The following ETV6 variants were observed in gnomAD, a reference collection of about 807,000 sequenced individuals.
ETV6 encodes the protein ETS variant transcription factor 6.
ETV6 carries 16 observed loss-of-function variants against 51.1 expected under a neutral mutation model. The ratio of observed to expected loss-of-function variants is 0.31; its 90% confidence interval spans 0.21 to 0.48. The LOEUF (loss-of-function observed/expected upper bound fraction) is 0.48, where lower values mean the gene tolerates loss of function less well. Ranked by LOEUF, ETV6 falls within the 20% of genes least tolerant of loss-of-function variation. The pLI is 0.99. For missense variants in ETV6, 458 were observed against 594.8 expected (o/e 0.77, Z 2.39); for synonymous variants, 240 against 224.1 (o/e 1.07, Z -0.64).
intron 2 of ETV6, among the ~76,000 whole-genome samples, chr12:11,777,463 T>C (rs1591666542): frequency 6.6e-6 from 1 of 152,002 alleles, no homozygotes; most frequent in South Asian, 2.1e-4. Flanking sequence ...TGTTTTTTTT[T>C]TCTTCTGGCA....
intron 5 of ETV6, among the ~76,000 whole-genome samples, chr12:11,870,374 C>T (rs1037314089): frequency 1.3e-5 from 2 of 152,132 alleles, no homozygotes; most frequent in African/African-American, 4.8e-5. Flanking sequence ...GTAATTCCAT[C>T]CTGTGAGCGG....
chr12:11,847,008 G>A (rs1446980303), intron 3 of ETV6, among the ~76,000 whole-genome samples: 1 of 152,212 alleles, frequency 6.6e-6, no homozygotes, highest in East Asian at 1.9e-4. Context: ...GAGTAGCTGG[G>A]ACTACAGGCA....
intron 1 of ETV6, among the ~76,000 whole-genome samples, chr12:11,713,644 A>G (rs901881941): frequency 6.6e-6 from 1 of 152,228 alleles, no homozygotes; most frequent in Non-Finnish European, 1.5e-5. Flanking sequence ...CCTTATAGAA[A>G]ATAAATAAAA....
chr12:11,686,224 G>C (rs1031121280), intron 1 of ETV6, among the ~76,000 whole-genome samples: 5 of 152,190 alleles, frequency 3.3e-5, no homozygotes, highest in African/African-American at 1.2e-4. Context: ...CGACATCAAT[G>C]CTCTTGTGTT....
rs78840550 is a variant in ETV6 at position 11,703,572 on chromosome 12, G to A, written c.34-48878G>A. Among the ~76,000 whole-genome samples the A allele has an allele frequency of 6.9e-3, 1,044 of 152,120 alleles. 7 individuals carry two copies. The highest frequency in any genetic ancestry group is 0.024 in the African/African-American group (1,001 of 41,484). On this transcript the variant is annotated intron_variant, in intron 1 of 7. Coordinates refer to ENST00000396373, the MANE Select transcript of ETV6 (RefSeq NM_001987.5). ...TGCCCTTATGGGGCTTTCACCTAGC[G>A]GCCATGTTTCCATTGTGCAGTTAAC...
At chr12:11,667,832 G>T (rs1157365799) in intron 1 of ETV6, among the ~76,000 whole-genome samples, 1 of 150,640 alleles carries the variant, frequency 6.6e-6, no homozygotes, top group East Asian at 2.0e-4. Flanking sequence ...CTCCCGTGTA[G>T]CTGGGATTAC....
At chr12:11,650,493 A>AAC (rs67338407) in intron 1 of ETV6, among the ~76,000 whole-genome samples, 4 of 65,770 alleles carry the variant, frequency 6.1e-5, no homozygotes, top group African/African-American at 1.6e-4. Flanking sequence ...AAAAAAAAAA[A>AAC]AACAAAAAAC....
intron 2 of ETV6, among the ~76,000 whole-genome samples, chr12:11,827,070 T>TCTCACACACA (rs368955726): frequency 6.9e-6 from 1 of 145,058 alleles, no homozygotes; most frequent in African/African-American, 2.5e-5. Flanking sequence ...GAAGTCTGTC[T>TCTCACACACA]CACACACACA....
intron 1 of ETV6, among the ~76,000 whole-genome samples, chr12:11,684,017 T>C (rs895589181): frequency 6.6e-6 from 1 of 152,220 alleles, no homozygotes; most frequent in African/African-American, 2.4e-5. Context: ...ATTCAACAGA[T>C]GTGTATTGCC....
intron 2 of ETV6, among the ~76,000 whole-genome samples, chr12:11,838,538 TATTGCCAG>T (rs1340990517): frequency 6.6e-6 from 1 of 152,228 alleles, no homozygotes; most frequent in Non-Finnish European, 1.5e-5. Context: ...TTTGCCCTCT[TATTGCCAG>T]AGGCCAGCCT....
chr12:11,832,935 C>T (rs1946265206), intron 2 of ETV6, among the ~76,000 whole-genome samples: 1 of 152,200 alleles, frequency 6.6e-6, no homozygotes, highest in African/African-American at 2.4e-5. Flanking sequence ...TGTCAGTAAC[C>T]TGTGGAGGTG....
chr12:11,797,832 C>T (rs537663323), intron 2 of ETV6, among the ~76,000 whole-genome samples: 6 of 152,124 alleles, frequency 3.9e-5, no homozygotes, highest in Non-Finnish European at 8.8e-5. Context: ...TCTCTCATAC[C>T]AGAGAAAGTG....
At position 11,891,339 on chromosome 12, in the gene ETV6, C is replaced by T. The variant is rs114439497; in HGVS notation, c.*293C>T. ...TAATTCCTCACCCTCACCCTTCCACCGTTGTTAGTATCATGGTGTTTTTGT... is the reference window on the plus strand; with the variant it reads ...TAATTCCTCACCCTCACCCTTCCACTGTTGTTAGTATCATGGTGTTTTTGT... On this transcript the variant is annotated 3_prime_UTR_variant, in exon 8 of 8. Coordinates refer to ENST00000396373, the MANE Select transcript of ETV6 (RefSeq NM_001987.5). The T allele has an allele frequency of 4.5e-4, 173 of 381,380 alleles. No homozygotes were observed. The highest frequency in any genetic ancestry group is 3.0e-3 in the African/African-American group (145 of 48,690). 23.6% of individuals were successfully genotyped at this position (381,380 alleles called of 1,614,324 possible).
chr12:11,697,288 C>A (rs569319063), intron 1 of ETV6, among the ~76,000 whole-genome samples: 9 of 152,262 alleles, frequency 5.9e-5, no homozygotes, highest in African/African-American at 1.7e-4. Context: ...CTCCTCCATT[C>A]GTGGTTGTAA....
At chr12:11,867,320 C>G (rs892065384) in intron 4 of ETV6, among the ~76,000 whole-genome samples, 1 of 152,118 alleles carries the variant, frequency 6.6e-6, no homozygotes, top group Non-Finnish European at 1.5e-5. Context: ...TGATGCTAGT[C>G]CTTAGCAAAA....
At chr12:11,761,892 C>T (rs1369412342) in intron 2 of ETV6, among the ~76,000 whole-genome samples, 1 of 152,212 alleles carries the variant, frequency 6.6e-6, no homozygotes, top group African/African-American at 2.4e-5. Flanking sequence ...AGCAGTGGAA[C>T]ATTATCTGTA....
At chr12:11,833,394 A>T (rs142074909) in intron 2 of ETV6, among the ~76,000 whole-genome samples, 110 of 152,356 alleles carry the variant, frequency 7.2e-4, no homozygotes, top group African/African-American at 2.6e-3. Context: ...AGTAACTTGT[A>T]CAAGGTCACA....
At position 11,883,414 on chromosome 12, in the gene ETV6, G is replaced by A. The variant is rs577439428; in HGVS notation, c.1010-1031G>A. ...GTTCAGGCGATTCTCCTGCCTCAGT[G>A]TCCTGAGTAGCTGGGATTACAGGCA... On this transcript the variant is annotated intron_variant, in intron 5 of 7. Transcript: ENST00000396373. Among the ~76,000 whole-genome samples, 261 of 149,820 alleles carry A rather than the reference G, an allele frequency of 1.7e-3. 1 individual carries two copies. Among genetic ancestry groups the A allele is most frequent in the African/African-American group, 6.1e-3 (249 of 40,516 alleles).
At chr12:11,711,781 G>A (rs921365180) in intron 1 of ETV6, among the ~76,000 whole-genome samples, 2 of 152,200 alleles carry the variant, frequency 1.3e-5, no homozygotes, top group Non-Finnish European at 2.9e-5. Flanking sequence ...TGATTTGTAC[G>A]TCATTTCCTT....
Sources: gnomAD v4.1 joint callset for allele counts (sites outside exome capture counted in the v4.1 genomes callset) on GRCh38, gnomAD v4.1.1 for gene constraint, MANE v1.5 for transcripts, NCBI Gene and HGNC (gene_info 2026-07-23, HGNC 2026-07-21) for gene names.